The following ARNT variants were observed in gnomAD, a reference collection of about 807,000 sequenced individuals.
ARNT encodes class E basic helix-loop-helix protein 2.
Under a neutral mutation model 105.0 loss-of-function variants are expected in ARNT, and 30 were observed. That is an observed-to-expected ratio of 0.29 (90% CI 0.21 to 0.39). The LOEUF (loss-of-function observed/expected upper bound fraction) is 0.39, where lower values mean the gene tolerates loss of function less well. Ranked by LOEUF, ARNT falls within the 10% of genes least tolerant of loss-of-function variation. The probability of loss-of-function intolerance (pLI) is 1.00; values close to 1 mark genes in which losing one functional copy is unlikely to be tolerated. For missense variants in ARNT, 748 were observed against 978.7 expected (o/e 0.76, Z 3.15); for synonymous variants, 304 against 344.0 (o/e 0.88, Z 1.29).
At chr1:150,860,835 C>T (rs587713118) in intron 1 of ARNT, among the ~76,000 whole-genome samples, 6 of 151,442 alleles carry the variant, frequency 4.0e-5, no homozygotes, top group Admixed American at 1.3e-4. Context: ...CCAGCCTGAG[C>T]GACAGAGAAA....
At chr1:150,874,190 T>C (rs1440496010) in intron 1 of ARNT, among the ~76,000 whole-genome samples, 1 of 152,160 alleles carries the variant, frequency 6.6e-6, no homozygotes, top group Non-Finnish European at 1.5e-5. Flanking sequence ...CTAAGCACAG[T>C]ACATTTCCAC....
chr1:150,816,622 C>T (rs1655933999), intron 18 of ARNT, among the ~76,000 whole-genome samples, 166 bp downstream of exon 18: 1 of 152,042 alleles, frequency 6.6e-6, no homozygotes, highest in Non-Finnish European at 1.5e-5. Flanking sequence ...AGGACAGGTG[C>T]AAAGAAATAG....
intron 18 of ARNT, 94 bp from the exon 19 acceptor site, chr1:150,816,500 C>A: frequency 7.1e-7 from 1 of 1,413,778 alleles, no homozygotes; most frequent in African/African-American, 1.5e-5. Flanking sequence ...CCTAGATCCC[C>A]TTGACTTCCT....
chr1:150,873,199 G>C (rs1667740373), intron 1 of ARNT, among the ~76,000 whole-genome samples: 1 of 151,628 alleles, frequency 6.6e-6, no homozygotes, highest in Non-Finnish European at 1.5e-5. Context: ...TGAGGCAGGA[G>C]AATGGCGTGA....
rs779249065 is a variant in ARNT, at chr1:150,829,867, T to C, written c.1032+37A>G. 4 of 1,602,844 alleles carry C rather than the reference T, an allele frequency of 2.5e-6. No individual in the cohort carries two copies. The East Asian group carries it at 6.7e-5, about 27-fold the overall frequency. On this transcript the variant is annotated intron_variant, in intron 11 of 21. Transcript: ENST00000358595. ...AATGAGTCCTGAAGATCTGCTCTAA[T>C]TGAACGGGAATATAGATGTGGAAAA...
chr1:150,854,096 C>A lies in ARNT; in HGVS notation c.138-1290G>T, dbSNP rs1281546935. Among the ~76,000 whole-genome samples, 4 of 152,200 alleles carry A rather than the reference C, an allele frequency of 2.6e-5. No individual in the cohort carries two copies. In the East Asian group the frequency reaches 5.8e-4, roughly 22 times the overall value. On this transcript the variant is annotated intron_variant, in intron 2 of 21. Coordinates refer to ENST00000358595, the MANE Select transcript of ARNT (RefSeq NM_001668.4). ...TTTCTCTCTATCTCTTCCTTTCTTT[C>A]TTTTTAAGAGACAAGCTCTCACTCT...
intron 11 of ARNT, 140 bp from the exon 12 acceptor site, chr1:150,829,367 A>G (rs1191185675): frequency 1.4e-5 from 12 of 844,238 alleles, no homozygotes; most frequent in Non-Finnish European, 2.0e-5. Flanking sequence ...TCCAAAAAGG[A>G]AAAAAAAATG....
rs1659365874 is a variant in ARNT at position 150,831,605 on chromosome 1, T to C, written c.955+213A>G. On this transcript the variant is annotated intron_variant, in intron 10 of 21. Transcript: ENST00000358595. The stretch of plus-strand genomic sequence containing the variant: ...CCACATTCTGTGACACAGCCAATAC[T>C]GAATCATTTTCCAGCCTGAGTTATC... The C allele has an allele frequency of 5.7e-6, 3 of 524,400 alleles. No individual in the cohort carries two copies. In the East Asian group the frequency reaches 1.0e-4, roughly 18 times the overall value. 32.5% of individuals were successfully genotyped at this position (524,400 alleles called of 1,614,324 possible). A position where few individuals can be genotyped will look rare whatever the true frequency, so the allele number is the denominator to read the frequency against.
Position 150,817,097 on chromosome 1 carries a change from G to A in ARNT, c.1684C>T (p.His562Tyr), listed in dbSNP as rs772356330. Residue 562 changes from histidine (H) to tyrosine (Y), a missense_variant, in exon 17 of 22, where the codon CAC becomes TAC. This residue lies in a region of ARNT where 360 missense variants were observed against 411.9 expected (regional missense o/e 0.87). Transcript: ENST00000358595. ...DRDPRFSEIY[H>Y]NINADQSKGI... ...AGAAACATACCCGCATTGATGTTGT[G>A]ATAGATTTCTGAAAATCTTGGATCT... 5 of 1,614,126 alleles carry A rather than the reference G, an allele frequency of 3.1e-6. No homozygotes were observed. Among genetic ancestry groups the A allele is most frequent in the East Asian group, 4.5e-5 (2 of 44,888 alleles).
intron 3 of ARNT, among the ~76,000 whole-genome samples, chr1:150,849,493 G>C (rs1346711175): frequency 6.6e-6 from 1 of 151,954 alleles, no homozygotes; most frequent in Non-Finnish European, 1.5e-5. Context: ...ATATTAAAAG[G>C]TCCATTTTCA....
intron 1 of ARNT, among the ~76,000 whole-genome samples, chr1:150,870,190 T>C (rs1045905583): frequency 2.0e-4 from 30 of 152,144 alleles, no homozygotes; most frequent in African/African-American, 7.0e-4. Context: ...TCCTCATCTG[T>C]AAAACAAGAA....
intron 13 of ARNT, among the ~76,000 whole-genome samples, chr1:150,824,442 GTTTTC>G (rs1657767947): frequency 6.7e-6 from 1 of 148,952 alleles, no homozygotes; most frequent in Admixed American, 6.7e-5. Context: ...GAGAACATCT[GTTTTC>G]TTTTCTTTTT....
chr1:150,811,911 G>T lies in ARNT; in HGVS notation c.*110C>A. On this transcript the variant is annotated 3_prime_UTR_variant, in exon 22 of 22. Coordinates refer to ENST00000358595, the MANE Select transcript of ARNT (RefSeq NM_001668.4). ...AAGGGAAAGGGGGTACATGTCAGGG[G>T]TGAGGGAAGGGAAGGGAGAGGAACT... 1 of 729,340 alleles carries T rather than the reference G, an allele frequency of 1.4e-6. No individual in the cohort carries two copies. The highest frequency in any genetic ancestry group is 2.0e-6 in the Non-Finnish European group (1 of 489,744). 45.2% of individuals were successfully genotyped at this position (729,340 alleles called of 1,614,324 possible).
At position 150,830,109 on chromosome 1, in the gene ARNT, A is replaced by G; in HGVS notation, c.956-129T>C. 8 of 1,027,078 alleles carry G rather than the reference A, an allele frequency of 7.8e-6. No homozygotes were observed. In the South Asian group the frequency reaches 1.2e-4, roughly 16 times the overall value. 63.6% of individuals were successfully genotyped at this position (1,027,078 alleles called of 1,614,324 possible). On this transcript the variant is annotated intron_variant, in intron 10 of 21. Transcript: ENST00000358595. Reference sequence around the variant, plus strand: ...CACCGTGGCTGACGCCTGTAATCCCAACACTTTGGGAAGCCAAGGTGGGCG... The same window carrying G: ...CACCGTGGCTGACGCCTGTAATCCCGACACTTTGGGAAGCCAAGGTGGGCG...
chr1:150,866,046 G>A (rs1225408051), intron 1 of ARNT, among the ~76,000 whole-genome samples: 1 of 150,308 alleles, frequency 6.7e-6, no homozygotes, highest in Non-Finnish European at 1.5e-5. Context: ...GCAGTGGCGT[G>A]ATCTCGGCTC....
At chr1:150,816,485 C>G (rs1655909845) in intron 18 of ARNT, 79 bp from the exon 19 acceptor site, 12 of 1,471,618 alleles carry the variant, frequency 8.2e-6, no homozygotes, top group Non-Finnish European at 1.0e-5. Flanking sequence ...CAATCTAGTG[C>G]TATCCCTAGA....
rs2101439673 is a variant in ARNT at position 150,809,943 on chromosome 1, T to C, written c.*2078A>G. The C allele has an allele frequency of 4.4e-6, 1 of 225,222 alleles. No individual in the cohort carries two copies. The highest frequency in any genetic ancestry group is 5.7e-5 in the Admixed American group (1 of 17,504). 14.0% of individuals were successfully genotyped at this position (225,222 alleles called of 1,614,324 possible). ...GGCGTGCAATGTGATCAGAACCCTATGATTTCTGATTCCTGAAATTAAAGA... is the reference window on the plus strand; with the variant it reads ...GGCGTGCAATGTGATCAGAACCCTACGATTTCTGATTCCTGAAATTAAAGA... On this transcript the variant is annotated 3_prime_UTR_variant, in exon 22 of 22. Transcript: ENST00000358595.
In ARNT at chr1:150,860,433, C is replaced by T. The variant is rs373354853; in HGVS notation, c.26-1973G>A. ...GTTTCACCATGTTGGCCAGGCTGGT[C>T]TTTAACTCCTGACCTCAAGTGATCC... is the stretch of plus-strand genomic sequence containing the variant. On this transcript the variant is annotated intron_variant, in intron 1 of 21. Coordinates refer to ENST00000358595, the MANE Select transcript of ARNT (RefSeq NM_001668.4). Among the ~76,000 whole-genome samples the T allele has an allele frequency of 1.3e-3, 195 of 151,296 alleles. 1 individual carries two copies. The highest frequency in any genetic ancestry group is 4.5e-3 in the African/African-American group (186 of 41,312).
At chr1:150,855,142 A>C in intron 2 of ARNT, among the ~76,000 whole-genome samples, 1 of 152,122 alleles carries the variant, frequency 6.6e-6, no homozygotes. Context: ...TGAAATAGGA[A>C]AAAAAAGTTT....
Sources: allele counts gnomAD v4.1 joint callset (sites outside exome capture counted in the v4.1 genomes callset), GRCh38; gene constraint gnomAD v4.1.1; regional missense constraint gnomAD v4.1.1; transcripts MANE v1.5; gene names NCBI Gene and HGNC (gene_info 2026-07-23, HGNC 2026-07-21).